TOGARAM2: variants seen among roughly 807,000 people sequenced by gnomAD.
TOGARAM2 encodes the protein TOG array regulator of axonemal microtubules 2.
In TOGARAM2, 85 loss-of-function variants were observed where a neutral mutation model predicts 93.3. The ratio of observed to expected loss-of-function variants is 0.91; its 90% CI spans 0.76 to 1.09. TOGARAM2 has a LOEUF of 1.09. Among genes scored for constraint, TOGARAM2 ranks in the 50% least tolerant of loss-of-function variants. The pLI, the probability that TOGARAM2 is intolerant of heterozygous loss-of-function variation, is 0.00. For missense variants in TOGARAM2, 1,277 were observed against 1,334.5 expected, an observed-to-expected ratio of 0.96 and a Z score of 0.67; for synonymous variants, 593 against 552.8, an observed-to-expected ratio of 1.07 and a Z score of -1.02.
chr2:29,051,156 T>C (rs1440188813), intron 19 of TOGARAM2: 1 of 152,240 alleles, frequency 6.6e-6, no homozygotes, highest in East Asian at 1.9e-4. Context: ...CCCTCCCCAG[T>C]AGTTTTTCTC....
chr2:28,968,938 G>C (rs1487857005), intron 1 of TOGARAM2, among the ~76,000 whole-genome samples: 3 of 151,714 alleles, frequency 2.0e-5, no homozygotes, highest in African/African-American at 7.3e-5. Flanking sequence ...TGCCTCTGCT[G>C]TGATCGCTGT....
rs1281195804 is a variant in TOGARAM2, at chr2:29,051,861, C to T, written c.2828C>T (p.Pro943Leu). 26 of 1,570,080 alleles carry T rather than the reference C, an allele frequency of 1.7e-5. No homozygotes were observed. Among genetic ancestry groups the T allele is most frequent in the Non-Finnish European group, 2.2e-5 (25 of 1,157,762 alleles). ...LNTATRNGTL[P>L]GPSGNIRGVV... Reference sequence around the variant, plus strand: ...ACCGCCACCAGGAATGGCACCCTGCCTGGACCCAGCGGGAACATCCGCGGG... The same window carrying T: ...ACCGCCACCAGGAATGGCACCCTGCTTGGACCCAGCGGGAACATCCGCGGG... Residue 943 changes from proline (P) to leucine (L), a missense_variant, in exon 20 of 20, where the codon CCT (proline) becomes CTT (leucine). Coordinates refer to ENST00000379558, the MANE Select transcript of TOGARAM2 (RefSeq NM_199280.4).
chr2:29,004,972 G>A (rs1192990559), intron 6 of TOGARAM2, among the ~76,000 whole-genome samples: 1 of 145,636 alleles, frequency 6.9e-6, no homozygotes, highest in Non-Finnish European at 1.5e-5. Context: ...GTGTGTGAGT[G>A]CATGTGTGTA....
In TOGARAM2 at chr2:29,036,666, C is replaced by G. The variant is rs1436859110; in HGVS notation, c.2544C>G (p.Ile848Met). ...RESLHPMLLS[I>M]IITVADNLNS... is the part of the protein sequence containing the mutation. ...GCTTACACCCCATGCTGCTCTCCAT[C>G]ATCATCACTGTTGCAGACAACCTCA... is the stretch of plus-strand genomic sequence containing the variant. The change falls in exon 18 of 20, where the codon ATC becomes ATG. Residue 848 changes from isoleucine to methionine, a missense_variant. Physicochemically the swap from Ile to Met is conservative, Grantham distance 10. Coordinates refer to ENST00000379558, the MANE Select transcript of TOGARAM2 (RefSeq NM_199280.4). The G allele has an allele frequency of 1.2e-6, 2 of 1,614,030 alleles. No homozygotes were observed. Among genetic ancestry groups the G allele is most frequent in the Non-Finnish European group, 8.5e-7 (1 of 1,179,890 alleles).
At chr2:29,047,453 T>C in intron 19 of TOGARAM2, 1 of 152,250 alleles carries the variant, frequency 6.6e-6, no homozygotes, top group East Asian at 1.9e-4. Context: ...GTTAACTCTG[T>C]GTCCACCAGG....
At chr2:28,967,206 G>A (rs541537608) in intron 1 of TOGARAM2, among the ~76,000 whole-genome samples, 3 of 152,272 alleles carry the variant, frequency 2.0e-5, no homozygotes, top group African/African-American at 7.2e-5. Flanking sequence ...TTTGGATCTT[G>A]TAAAAATTAA....
At chr2:28,973,271 T>C (rs1671973978) in intron 1 of TOGARAM2, among the ~76,000 whole-genome samples, 2 of 152,204 alleles carry the variant, frequency 1.3e-5, no homozygotes, top group Non-Finnish European at 2.9e-5. Context: ...GCCTTATTCC[T>C]TGGACAGCAA....
intron 1 of TOGARAM2, among the ~76,000 whole-genome samples, chr2:28,987,050 G>A (rs193021590): frequency 4.6e-5 from 7 of 152,230 alleles, no homozygotes; most frequent in Admixed American, 1.3e-4. Context: ...CATCAGCCCC[G>A]ACTCTTCTAC....
At chr2:29,020,564 C>T (rs113109619) in intron 10 of TOGARAM2, among the ~76,000 whole-genome samples, 6,579 of 152,266 alleles carry the variant, frequency 0.043, 476 homozygotes, top group African/African-American at 0.14. Context: ...CACACAAGCC[C>T]TCAAGACACT....
intron 6 of TOGARAM2, among the ~76,000 whole-genome samples, chr2:29,011,092 T>G (rs1664214917): frequency 6.6e-6 from 1 of 152,206 alleles, no homozygotes; most frequent in Non-Finnish European, 1.5e-5. Context: ...GGAGGCAGTT[T>G]ACCCTTGTTT....
rs1673433684 is a variant in TOGARAM2, at chr2:29,003,535, T to C, written c.683T>C (p.Met228Thr). ...WQYLHCNDEK[M>T]QKSLGAIVIP... Reference sequence around the variant, plus strand: ...TACCTGCACTGCAATGATGAGAAGATGCAGAAGTCCCTGGGCGCCATCGTG... The same window carrying C: ...TACCTGCACTGCAATGATGAGAAGACGCAGAAGTCCCTGGGCGCCATCGTG... Residue 228 changes from methionine to threonine, a missense_variant, in exon 6 of 20, where the codon ATG becomes ACG. By Grantham distance (81) the Met-to-Thr change is moderately conservative (BLOSUM62 -1). Transcript: ENST00000379558. 6.3e-7 allele frequency: 1 copy of C among 1,590,594 alleles called. No homozygotes were observed. The highest frequency in any genetic ancestry group is 2.3e-5 in the East Asian group (1 of 42,926).
At position 29,003,607 on chromosome 2, in the gene TOGARAM2, G is replaced by A. The variant is rs201280601; in HGVS notation, c.755G>A (p.Arg252His). The A allele has an allele frequency of 1.0e-4, 162 of 1,593,328 alleles. No individual in the cohort carries two copies. The highest frequency in any genetic ancestry group is 4.7e-4 in the African/African-American group (35 of 73,964). Residue 252 changes from arginine (R) to histidine (H), a missense_variant, in exon 6 of 20, where the codon CGT becomes CAT. Coordinates refer to ENST00000379558, the MANE Select transcript of TOGARAM2 (RefSeq NM_199280.4). ...AGGACGGTTGCAGCGACCCCCTCCCGTGTGCCTGGCTCCCTTCCCAGCCCG... is the reference window on the plus strand; with the variant it reads ...AGGACGGTTGCAGCGACCCCCTCCCATGTGCCTGGCTCCCTTCCCAGCCCG... Reference protein sequence around the residue: ...KARTVAATPSRVPGSLPSPLP... With the variant: ...KARTVAATPSHVPGSLPSPLP...
chr2:29,038,175 G>T (rs954417267), intron 18 of TOGARAM2, among the ~76,000 whole-genome samples: 8 of 152,148 alleles, frequency 5.3e-5, no homozygotes, highest in African/African-American at 1.9e-4. Context: ...AGAGCCTGGG[G>T]GTGGCCTGCT....
At chr2:28,963,145 C>G (rs1671822127) in intron 1 of TOGARAM2, among the ~76,000 whole-genome samples, 1 of 152,004 alleles carries the variant, frequency 6.6e-6, no homozygotes, top group Non-Finnish European at 1.5e-5. Flanking sequence ...TTTAAGAATT[C>G]AGTTCTTAGT....
In TOGARAM2 at chr2:29,027,401, T is replaced by C. The variant is rs553730374; in HGVS notation, c.2012+390T>C. Among the ~76,000 whole-genome samples the C allele has an allele frequency of 3.9e-5, 6 of 152,348 alleles. No individual in the cohort carries two copies. The East Asian group carries it at 1.2e-3, about 29-fold the overall frequency. ...ATGAAGTCCCTATTGTATTGGAGCTTACTTCCTAGTCGAGGGAGACAGATA... is the reference window on the plus strand; with the variant it reads ...ATGAAGTCCCTATTGTATTGGAGCTCACTTCCTAGTCGAGGGAGACAGATA... On this transcript the variant is annotated intron_variant, in intron 14 of 19. Coordinates refer to ENST00000379558, the MANE Select transcript of TOGARAM2 (RefSeq NM_199280.4).
intron 2 of TOGARAM2, 52 bp downstream of exon 2, chr2:28,994,914 CT>C: frequency 4.5e-6 from 7 of 1,545,000 alleles, no homozygotes; most frequent in Non-Finnish European, 6.1e-6. Context: ...GCTAGGGGAC[CT>C]GCCTCGGACA....
upstream of TOGARAM2, among the ~76,000 whole-genome samples, chr2:28,976,334 G>A (rs1046172398): frequency 6.6e-6 from 1 of 152,210 alleles, no homozygotes; most frequent in Admixed American, 6.5e-5. Context: ...TCACACCACT[G>A]CACTCCAGCC....
chr2:28,990,603 G>A (rs56142401), intron 1 of TOGARAM2, among the ~76,000 whole-genome samples: 13,019 of 152,162 alleles, frequency 0.086, 731 homozygotes, highest in African/African-American at 0.15. Flanking sequence ...TTTCCTACCC[G>A]TTTTGATCCT....
At position 29,035,582 on chromosome 2, in the gene TOGARAM2, C is replaced by A. The variant is rs143199463; in HGVS notation, c.2344C>A (p.Arg782=). Residue 782 remains arginine, a synonymous_variant, in exon 17 of 20, where the codon CGG becomes AGG. Transcript: ENST00000379558. ...RLLEAKDFRS[R]MEGVGQLLEL... is the part of the protein sequence containing the mutation. The stretch of plus-strand genomic sequence containing the variant: ...GCTGGAGGCCAAGGACTTCCGGTCC[C>A]GGATGGAAGGCGTGGGGCAGCTCCT... 8.2e-4 allele frequency: 1,311 copies of A among 1,589,934 alleles called. 2 individuals are homozygous for A. The highest frequency in any genetic ancestry group is 1.0e-3 in the Non-Finnish European group (1,196 of 1,167,422).
Sources: gnomAD v4.1 joint callset for allele counts (sites outside exome capture counted in the v4.1 genomes callset) on GRCh38, gnomAD v4.1.1 for gene constraint, MANE v1.5 for transcripts, NCBI Gene and HGNC (gene_info 2026-07-23, HGNC 2026-07-21) for gene names.